The following MAPK14 variants were observed in gnomAD, a reference collection of about 807,000 sequenced individuals.
The protein encoded by MAPK14 is CSAID-binding protein.
In MAPK14, 16 loss-of-function variants were observed where a neutral mutation model predicts 49.6. The observed-to-expected ratio is 0.32, with a 90% confidence interval of 0.22 to 0.49. MAPK14 has a LOEUF of 0.49. Ranked by LOEUF, MAPK14 falls within the 20% of genes least tolerant of loss-of-function variation. The probability of loss-of-function intolerance (pLI) is 0.99; values close to 1 mark genes in which losing one functional copy is unlikely to be tolerated. For missense variants in MAPK14, 200 were observed against 441.2 expected, an observed-to-expected ratio of 0.45 and a Z score of 4.90; for synonymous variants, 142 against 158.0, an observed-to-expected ratio of 0.90 and a Z score of 0.76.
chr6:36,072,586 G>A (rs1764347242), intron 3 of MAPK14, among the ~76,000 whole-genome samples: 1 of 151,880 alleles, frequency 6.6e-6, no homozygotes, highest in African/African-American at 2.4e-5. Context: ...CCAACACGGT[G>A]AAACCTCGTC....
the MAPK14 span, among the ~76,000 whole-genome samples, chr6:36,119,411 C>T: frequency 7.9e-5 from 12 of 152,300 alleles, no homozygotes; most frequent in East Asian, 2.1e-3. Flanking sequence ...CTAGGTAATT[C>T]TAGAACTTTC....
intron 8 of MAPK14, among the ~76,000 whole-genome samples, chr6:36,089,285 CAGAA>C (rs775426222): frequency 2.6e-5 from 4 of 152,140 alleles, no homozygotes; most frequent in Non-Finnish European, 4.4e-5. Context: ...CCATTTTCCT[CAGAA>C]AGCCAAACAC....
At chr6:36,089,764 G>A (rs1437180052) in intron 8 of MAPK14, among the ~76,000 whole-genome samples, 1 of 152,130 alleles carries the variant, frequency 6.6e-6, no homozygotes, top group Non-Finnish European at 1.5e-5. Context: ...AAAGGAGGGA[G>A]GATACAGAAT....
At chr6:36,029,601 G>C (rs376615224) in intron 1 of MAPK14, among the ~76,000 whole-genome samples, 3 of 152,162 alleles carry the variant, frequency 2.0e-5, no homozygotes, top group Non-Finnish European at 1.5e-5. Flanking sequence ...GCTTTTGGAT[G>C]TGTTAATCTT....
At chr6:36,064,715 C>T (rs1026650511) in intron 3 of MAPK14, among the ~76,000 whole-genome samples, 5 of 152,278 alleles carry the variant, frequency 3.3e-5, no homozygotes, top group African/African-American at 1.2e-4. Context: ...ACATTTTAAC[C>T]TGATGTTGTT....
chr6:36,098,818 A>G (rs922983609), intron 9 of MAPK14, among the ~76,000 whole-genome samples: 1 of 152,212 alleles, frequency 6.6e-6, no homozygotes, highest in Non-Finnish European at 1.5e-5. Context: ...CATGAAAAGT[A>G]TCATTTGTTA....
intron 5 of MAPK14, 47 bp downstream of exon 5, chr6:36,073,767 G>C: frequency 1.3e-6 from 2 of 1,566,492 alleles, no homozygotes; most frequent in Non-Finnish European, 1.8e-6. Context: ...AGTGGGGTGA[G>C]AGTGGAAGAA....
chr6:36,099,365 G>A (rs374085784), intron 9 of MAPK14, among the ~76,000 whole-genome samples: 2 of 152,360 alleles, frequency 1.3e-5, no homozygotes, highest in East Asian at 3.9e-4. Context: ...GAGAGAAGTT[G>A]TAGTACAGCT....
At chr6:36,100,938 T>C (rs1038961739) in intron 9 of MAPK14, among the ~76,000 whole-genome samples, 1 of 152,232 alleles carries the variant, frequency 6.6e-6, no homozygotes, top group African/African-American at 2.4e-5. Context: ...GGTCGTCTTT[T>C]GATTTATCTT....
chr6:36,029,468 C>T (rs964944910), intron 1 of MAPK14, among the ~76,000 whole-genome samples: 1 of 152,186 alleles, frequency 6.6e-6, no homozygotes, highest in Non-Finnish European at 1.5e-5. Flanking sequence ...TTGAAAGCTA[C>T]GGATCTTAAA....
chr6:36,102,639 C>G lies in MAPK14; in HGVS notation c.831C>G (p.Ala277=), dbSNP rs758985555. The G allele has an allele frequency of 7.4e-6, 12 of 1,613,732 alleles. No homozygotes were observed. In the South Asian group the frequency reaches 1.3e-4, roughly 18 times the overall value. ...KMNFANVFIG[A]NPLAVDLLEK... is the part of the protein sequence containing the mutation. ...ACTTTGCGAATGTATTTATTGGTGCCAATCCCCTGGGTAAGTTGACCATAT... is the reference window on the plus strand; with the variant it reads ...ACTTTGCGAATGTATTTATTGGTGCGAATCCCCTGGGTAAGTTGACCATAT... Residue 277 remains alanine (A), a synonymous_variant, in exon 10 of 12, where the codon GCC becomes GCG. Transcript: ENST00000229794.
chr6:36,069,632 G>T (rs1228978583), intron 3 of MAPK14, among the ~76,000 whole-genome samples: 1 of 152,228 alleles, frequency 6.6e-6, no homozygotes, highest in South Asian at 2.1e-4. Context: ...GTGATAAAAT[G>T]GATGTGGTCT....
rs1280594939 is a variant in MAPK14 at position 36,108,565 on chromosome 6, G to C, written c.*118G>C. 1 of 826,692 alleles carries C rather than the reference G, an allele frequency of 1.2e-6. No individual in the cohort carries two copies. The highest frequency in any genetic ancestry group is 2.5e-5 in the East Asian group (1 of 39,558). The allele number at this position is 826,692 out of a possible 1,614,324, so 51.2% of individuals were successfully genotyped here. A position where few individuals can be genotyped will look rare whatever the true frequency, so the allele number is the denominator to read the frequency against. On this transcript the variant is annotated 3_prime_UTR_variant, in exon 12 of 12. Transcript: ENST00000229794. ...GCAGAGATTTCCTCCATGGTGGAAG[G>C]GGGTGTGCGTGCGTGTGCGTGCGTG... is the stretch of plus-strand genomic sequence containing the variant.
rs1007265657 is a variant in MAPK14, at chr6:36,107,366, T to C, written c.842-89T>C. The C allele has an allele frequency of 1.1e-6, 1 of 877,918 alleles. No homozygotes were observed. The highest frequency in any genetic ancestry group is 1.7e-5 in the African/African-American group (1 of 59,798). 54.4% of individuals were successfully genotyped at this position (877,918 alleles called of 1,614,324 possible). On this transcript the variant is annotated intron_variant, in intron 10 of 11. Transcript: ENST00000229794. The surrounding 1 kb of genome is among the most constrained non-coding windows in gnomAD (Gnocchi z 4.3). Reference sequence around the variant, plus strand: ...TGGAGGAGAGTTCTTTGTTTGGATATGAAGGGTCAAAACTATGTTTGCTCA... The same window carrying C: ...TGGAGGAGAGTTCTTTGTTTGGATACGAAGGGTCAAAACTATGTTTGCTCA...
Position 36,076,201 on chromosome 6 carries a change from T to A in MAPK14, c.610+239T>A, listed in dbSNP as rs1266190330. ...TTTATTTATTTAGATTTTGAATATA[T>A]TCTCTGAGTACTTATACCTAAAGAC... On this transcript the variant is annotated intron_variant, in intron 7 of 11. Transcript: ENST00000229794. Among the ~76,000 whole-genome samples the A allele has an allele frequency of 3.2e-3, 485 of 152,334 alleles. 3 individuals are homozygous for A. The highest frequency in any genetic ancestry group is 0.011 in the African/African-American group (446 of 41,568).
chr6:36,074,299 C>T (rs532394474), intron 6 of MAPK14, among the ~76,000 whole-genome samples: 1 of 151,936 alleles, frequency 6.6e-6, no homozygotes, highest in African/African-American at 2.4e-5. Flanking sequence ...TTTATTTTAA[C>T]ATAAAGTTAA....
intron 1 of MAPK14, among the ~76,000 whole-genome samples, chr6:36,043,804 CTTTTTTT>C (rs796534477): frequency 0.029 from 2,622 of 90,412 alleles, 39 homozygotes; most frequent in Middle Eastern, 0.071. Flanking sequence ...CTTTTTCTTT[CTTTTTTT>C]TTTTTTTTTT....
At chr6:36,103,324 T>TATTA (rs1429552134) in intron 10 of MAPK14, among the ~76,000 whole-genome samples, 38 of 150,438 alleles carry the variant, frequency 2.5e-4, no homozygotes, top group Non-Finnish European at 2.4e-4. Flanking sequence ...TTATTATTAT[T>TATTA]ATTTATTTAT....
chr6:36,093,438 A>AGCCAGGCACGGT (rs1765319297), intron 8 of MAPK14, among the ~76,000 whole-genome samples: 1 of 152,128 alleles, frequency 6.6e-6, no homozygotes, highest in African/African-American at 2.4e-5. Flanking sequence ...ATTGACTCTC[A>AGCCAGGCACGGT]GCCAGGCACG....
Sources: gnomAD v4.1 joint callset for allele counts (sites outside exome capture counted in the v4.1 genomes callset) on GRCh38, gnomAD v4.1.1 for gene constraint, Gnocchi (gnomAD v3.1) non-coding constraint, MANE v1.5 for transcripts, NCBI Gene and HGNC (gene_info 2026-07-23, HGNC 2026-07-21) for gene names.